Variants in NPHP4 observed in about 807,000 individuals in gnomAD.
NPHP4 encodes the protein nephrocystin 4, also known as nephrocystin-4.
NPHP4 carries 151 observed loss-of-function variants against 155.8 expected under a neutral mutation model. The ratio of observed to expected loss-of-function variants is 0.97; its 90% confidence interval spans 0.85 to 1.11. The LOEUF (loss-of-function observed/expected upper bound fraction) is 1.11. NPHP4 is among the 50% of genes least tolerant of loss of function. NPHP4 has a pLI of 0.00. For synonymous variants in NPHP4, 845 were observed against 816.8 expected (o/e 1.03, Z -0.59); for missense variants, 1,956 against 1,925.7 (o/e 1.02, Z -0.29).
At chr1:5,874,440 T>G in intron 22 of NPHP4, 31 bp downstream of exon 22, 3 of 1,486,768 alleles carry the variant, frequency 2.0e-6, no homozygotes, top group South Asian at 2.7e-5. Flanking sequence ...ATCAGCCAAA[T>G]GCAACTTCCC....
At chr1:5,975,443 G>C (rs189788002) in intron 3 of NPHP4, among the ~76,000 whole-genome samples, 4 of 152,322 alleles carry the variant, frequency 2.6e-5, no homozygotes, top group African/African-American at 7.2e-5. Flanking sequence ...ACAGCTGAAA[G>C]TGCCCTGGCC....
intron 11 of NPHP4, among the ~76,000 whole-genome samples, chr1:5,914,632 T>A (rs1297130670): frequency 6.6e-6 from 1 of 152,158 alleles, no homozygotes; most frequent in Non-Finnish European, 1.5e-5. Context: ...CCACCTTTAC[T>A]TTCCCACGTC....
intron 1 of NPHP4, among the ~76,000 whole-genome samples, chr1:5,989,947 CG>C (rs1299012909): frequency 6.6e-6 from 1 of 152,222 alleles, no homozygotes; most frequent in Non-Finnish European, 1.5e-5. Context: ...GCCACCCACA[CG>C]GAAGTCCTGA....
At chr1:5,985,740 T>C (rs1655379144) in intron 2 of NPHP4, among the ~76,000 whole-genome samples, 1 of 152,218 alleles carries the variant, frequency 6.6e-6, no homozygotes. Context: ...TATGGTGGTA[T>C]AAGACTCAAA....
At chr1:5,954,860 A>C (rs1648878972) in intron 6 of NPHP4, among the ~76,000 whole-genome samples, 1 of 152,248 alleles carries the variant, frequency 6.6e-6, no homozygotes, top group South Asian at 2.1e-4. Context: ...AGGCAACAAA[A>C]GCAAAAAGAA....
rs527295909 is a variant in NPHP4 at position 5,873,394 on chromosome 1, C to G, written c.3232-59G>C. The G allele has an allele frequency of 2.1e-6, 3 of 1,408,976 alleles. No individual in the cohort carries two copies. The African/African-American group carries it at 4.2e-5, about 20-fold the overall frequency. 87.3% of individuals were successfully genotyped at this position (1,408,976 alleles called of 1,614,324 possible). ...AGCAACACCATTAGGCGACCAGCACCTGTGCTTAGAGACACCACTGCCACC... is the reference window on the plus strand; with the variant it reads ...AGCAACACCATTAGGCGACCAGCACGTGTGCTTAGAGACACCACTGCCACC... On this transcript the variant is annotated intron_variant, in intron 22 of 29. Coordinates refer to ENST00000378156, the MANE Select transcript of NPHP4 (RefSeq NM_015102.5).
At chr1:5,864,125 C>T (rs751655115) in intron 28 of NPHP4, 92 bp from the exon 29 acceptor site, 25 of 1,414,424 alleles carry the variant, frequency 1.8e-5, no homozygotes, top group African/African-American at 2.8e-5. Context: ...TCCTGTGCAC[C>T]GTGCACGGGG....
chr1:5,888,517 G>C, intron 17 of NPHP4: 1 of 1,301,020 alleles, frequency 7.7e-7, no homozygotes, highest in Non-Finnish European at 1.0e-6. Flanking sequence ...TGGTCGCTTT[G>C]CCACACTCGT....
intron 22 of NPHP4, chr1:5,873,637 C>T: frequency 2.0e-6 from 1 of 489,238 alleles, no homozygotes; most frequent in Non-Finnish European, 3.6e-6. Flanking sequence ...GTGAGTGAGC[C>T]TCTAGGGACA....
At chr1:5,932,536 C>A (rs531063137) in intron 10 of NPHP4, among the ~76,000 whole-genome samples, 1 of 152,272 alleles carries the variant, frequency 6.6e-6, no homozygotes, top group South Asian at 2.1e-4. Context: ...CGCTAACCAT[C>A]CTCCAACACC....
rs1463670356 is a variant in NPHP4, at chr1:5,944,672, G to T, written c.1119+2432C>A. On this transcript the variant is annotated intron_variant, in intron 9 of 29. Transcript: ENST00000378156. The surrounding 1 kb of genome is among the most constrained non-coding windows in gnomAD (Gnocchi z 4.3). ...CCAGTTACAATCGACCAGCACATCG[G>T]AAAGTACCAATGACTGGCCGGGCGC... 6.6e-6 allele frequency among the ~76,000 whole-genome samples: 1 copy of T among 152,214 alleles called. No homozygotes were observed. The highest frequency in any genetic ancestry group is 1.5e-5 in the Non-Finnish European group (1 of 68,046).
Position 5,867,148 on chromosome 1 carries a change from TC to T in NPHP4, c.3473-34del. ...AGGGGAAATGTCAAAAAGAGTCTTC[TC>T]CACAGCCCCAGCCTGTGTGGAGAAG... On this transcript the variant is annotated intron_variant, in intron 24 of 29. Coordinates refer to ENST00000378156, the MANE Select transcript of NPHP4 (RefSeq NM_015102.5). This position sits in a 1 kb window ranked among gnomAD's most constrained non-coding sequence, Gnocchi z 4.1. 1 of 1,531,066 alleles carries T rather than the reference TC, an allele frequency of 6.5e-7. No homozygotes were observed. The highest frequency in any genetic ancestry group is 9.0e-7 in the Non-Finnish European group (1 of 1,116,456). 94.8% of individuals were successfully genotyped at this position (1,531,066 alleles called of 1,614,324 possible). A position where few individuals can be genotyped will look rare whatever the true frequency, so the allele number is the denominator to read the frequency against.
In NPHP4 at chr1:5,867,066, G is replaced by A. The variant is rs556532085; in HGVS notation, c.3522C>T (p.Cys1174=). The A allele has an allele frequency of 1.2e-6, 2 of 1,613,170 alleles. No homozygotes were observed. Among genetic ancestry groups the A allele is most frequent in the African/African-American group, 1.3e-5 (1 of 75,034 alleles). The part of the protein sequence containing the change: ...LGEDPPVHVR[C]SDPNVICETQ... The stretch of plus-strand genomic sequence containing the variant: ...TCTCACAGATGACGTTCGGGTCGCT[G>A]CAGCGAACATGGACTGGGGGGTCCT... The change falls in exon 25 of 30, where the codon TGC becomes TGT. Residue 1174 remains cysteine, a synonymous_variant. Transcript: ENST00000378156. This position sits in a 1 kb window ranked among gnomAD's most constrained non-coding sequence, Gnocchi z 4.1.
chr1:5,926,441 T>C lies in NPHP4; in HGVS notation c.1441+1208A>G, dbSNP rs531049750. Among the ~76,000 whole-genome samples the C allele has an allele frequency of 1.1e-4, 16 of 152,332 alleles. No individual in the cohort carries two copies. In the South Asian group the frequency reaches 3.3e-3, roughly 32 times the overall value. ...GGTCCATGGTTTCTGCATCCATGAA[T>C]TCAACCAGACTTGGGCTGAAAATAT... is the stretch of plus-strand genomic sequence containing the variant. On this transcript the variant is annotated intron_variant, in intron 11 of 29. Transcript: ENST00000378156.
chr1:5,945,487 G>A (rs1022767935), intron 9 of NPHP4, among the ~76,000 whole-genome samples: 9 of 152,212 alleles, frequency 5.9e-5, no homozygotes, highest in African/African-American at 2.2e-4. Context: ...CTGGATTTCT[G>A]CACCTAATTA....
rs769643669 is a variant in NPHP4 at position 5,874,860 on chromosome 1, CACT to C, written c.3044+11_3044+13del. The C allele has an allele frequency of 2.5e-6, 4 of 1,609,726 alleles. No homozygotes were observed. Among genetic ancestry groups the C allele is most frequent in the South Asian group, 1.1e-5 (1 of 90,998 alleles). On this transcript the variant is annotated intron_variant, in intron 21 of 29. Transcript: ENST00000378156. ...ATCTGGGCTGGGGCAGGACGGGCAC[CACT>C]GAGACCTCACCTGAGCTCGGGGTTG...
At position 5,890,897 on chromosome 1, in the gene NPHP4, G is replaced by A. The variant is rs749757832; in HGVS notation, c.2275C>T (p.Leu759Phe). The change falls in exon 17 of 30, where the codon CTC (leucine) becomes TTC (phenylalanine). Residue 759 changes from leucine to phenylalanine, a missense_variant. Leu to Phe is a conservative substitution (Grantham distance 22, BLOSUM62 0). Coordinates refer to ENST00000378156, the MANE Select transcript of NPHP4 (RefSeq NM_015102.5). This position sits in a 1 kb window ranked among gnomAD's most constrained non-coding sequence, Gnocchi z 4.9. ...ATCTGGACGGCAGCAGATCCGATGA[G>A]CAGCAGGGAGTCTCCGTCCCAGACG... is the stretch of plus-strand genomic sequence containing the variant. ...IDVWDGDSLLLIGSAAVQMKH... is the reference protein window; with the variant it reads ...IDVWDGDSLLFIGSAAVQMKH... 29 of 1,610,586 alleles carry A rather than the reference G, an allele frequency of 1.8e-5. No homozygotes were observed. The highest frequency in any genetic ancestry group is 1.5e-4 in the South Asian group (14 of 90,572).
chr1:5,936,690 C>A (rs774000327), intron 9 of NPHP4, among the ~76,000 whole-genome samples: 5 of 152,196 alleles, frequency 3.3e-5, no homozygotes, highest in Non-Finnish European at 7.3e-5. Context: ...AACAGAAGTG[C>A]CACACTTGCA....
rs765628880 is a variant in NPHP4 at position 5,905,772 on chromosome 1, CG to C, written c.1622del (p.Pro541ArgfsTer13). On this transcript the variant is annotated frameshift_variant, in exon 14 of 30. Transcript: ENST00000378156. LOFTEE classifies it high-confidence loss of function. The surrounding 1 kb of genome is among the most constrained non-coding windows in gnomAD (Gnocchi z 4.0). Reference protein sequence around the residue: ...QASPAQAQEFPLEAGISHLEA... With the variant: ...QASPAQAQEFXLEAGISHLEA... The stretch of plus-strand genomic sequence containing the variant: ...CCAGGTGGGAGATACCGGCCTCCAA[CG>C]GGAACTCCTGCTGAACAAAACGAGG... The C allele has an allele frequency of 1.9e-6, 3 of 1,607,974 alleles. No individual in the cohort carries two copies. The highest frequency in any genetic ancestry group is 1.7e-6 in the Non-Finnish European group (2 of 1,177,124).
Sources: allele counts gnomAD v4.1 joint callset (sites outside exome capture counted in the v4.1 genomes callset), GRCh38; gene constraint gnomAD v4.1.1; non-coding constraint Gnocchi (gnomAD v3.1); transcripts MANE v1.5; gene names NCBI Gene and HGNC (gene_info 2026-07-23, HGNC 2026-07-21).